KCNAB2: variants seen among roughly 807,000 people sequenced by gnomAD.
KCNAB2 encodes potassium voltage-gated channel subfamily A regulatory beta subunit 2, also known as voltage-gated potassium channel subunit beta-2.
In KCNAB2, 29 loss-of-function variants were observed where a neutral mutation model predicts 63.6. The ratio of observed to expected loss-of-function variants is 0.46; its 90% CI spans 0.34 to 0.62. The LOEUF is 0.62. KCNAB2 is among the 20% of genes least tolerant of loss of function. KCNAB2 has a pLI of 0.01. For missense variants in KCNAB2, 359 were observed against 563.9 expected (o/e 0.64, Z 3.68); for synonymous variants, 222 against 224.2 (o/e 0.99, Z 0.09).
At position 6,072,778 on chromosome 1, in the gene KCNAB2, G is replaced by T. The variant is rs1295637312; in HGVS notation, c.242G>T (p.Arg81Leu). ...KYRNLGKSGL[R>L]VSCLGLGTWV... ...AGGAACCTGGGCAAGTCTGGCCTGCGGGTCTCCTGCCTGGGACTTGGTGAG... is the reference window on the plus strand; with the variant it reads ...AGGAACCTGGGCAAGTCTGGCCTGCTGGTCTCCTGCCTGGGACTTGGTGAG... The change falls in exon 3 of 16, where the codon CGG (arginine) becomes CTG (leucine). Residue 81 changes from arginine (R) to leucine (L), a missense_variant. Physicochemically the swap from Arg to Leu is moderately radical, Grantham distance 102. This residue lies in a region of KCNAB2 where 271 missense variants were observed against 476.1 expected (regional missense o/e 0.57). Coordinates refer to ENST00000378083, the MANE Select transcript of KCNAB2 (RefSeq NM_001199862.2). 6.2e-7 allele frequency: 1 copy of T among 1,613,768 alleles called. No homozygotes were observed. The highest frequency in any genetic ancestry group is 8.5e-7 in the Non-Finnish European group (1 of 1,179,828).
Position 6,086,378 on chromosome 1 carries a change from G to A in KCNAB2, c.426-1089G>A. On this transcript the variant is annotated intron_variant, in intron 6 of 15. Transcript: ENST00000378083. This position sits in a 1 kb window ranked among gnomAD's most constrained non-coding sequence, Gnocchi z 4.2. Reference sequence around the variant, plus strand: ...AATTGCACGTATTAGCAAATCCCCTGATCACGTCTTTGGCGAATGTGCATG... The same window carrying A: ...AATTGCACGTATTAGCAAATCCCCTAATCACGTCTTTGGCGAATGTGCATG... 1 of 985,328 alleles carries A rather than the reference G, an allele frequency of 1.0e-6. No individual in the cohort carries two copies. Among genetic ancestry groups the A allele is most frequent in the Non-Finnish European group, 1.2e-6 (1 of 829,874 alleles). 61.0% of individuals were successfully genotyped at this position (985,328 alleles called of 1,614,324 possible).
chr1:6,061,242 A>T (rs1386038761), intron 2 of KCNAB2, among the ~76,000 whole-genome samples: 1 of 152,254 alleles, frequency 6.6e-6, no homozygotes, highest in African/African-American at 2.4e-5. Flanking sequence ...TACCGGAGAG[A>T]CAGAAAAAGA....
At chr1:6,085,927 C>T (rs1469907039) in intron 6 of KCNAB2, 6 of 985,346 alleles carry the variant, frequency 6.1e-6, no homozygotes, top group East Asian at 1.1e-4. Flanking sequence ...GACCGGGGAG[C>T]GGTCCCCGGG....
At chr1:6,079,073 G>A (rs1180250828) in intron 4 of KCNAB2, among the ~76,000 whole-genome samples, 1 of 152,200 alleles carries the variant, frequency 6.6e-6, no homozygotes, top group East Asian at 1.9e-4. Context: ...CCAGTGATGG[G>A]AGGATTAGTC....
At chr1:6,030,519 A>ATG (rs750056486), upstream of KCNAB2, among the ~76,000 whole-genome samples, 3 of 147,550 alleles carry the variant, frequency 2.0e-5, no homozygotes, top group Non-Finnish European at 4.5e-5. Context: ...TTATGTATGT[A>ATG]TGTGTGTATG....
chr1:6,030,159 C>T (rs1411210919), upstream of KCNAB2, among the ~76,000 whole-genome samples: 1 of 152,186 alleles, frequency 6.6e-6, no homozygotes, highest in Non-Finnish European at 1.5e-5. Flanking sequence ...TGGGGTTAAG[C>T]GCTAAGATGA....
Position 6,069,483 on chromosome 1 carries a change from C to T in KCNAB2, c.219-3272C>T, listed in dbSNP as rs1055717093. Among the ~76,000 whole-genome samples, 1 of 152,150 alleles carries T rather than the reference C, an allele frequency of 6.6e-6. No individual in the cohort carries two copies. Among genetic ancestry groups the T allele is most frequent in the African/African-American group, 2.4e-5 (1 of 41,442 alleles). ...GAGGTTATGTCTGTGAGTCCTCACT[C>T]CAGGAGTCCAGACCCCAGGAGAGAC... On this transcript the variant is annotated intron_variant, in intron 2 of 15. Coordinates refer to ENST00000378083, the MANE Select transcript of KCNAB2 (RefSeq NM_001199862.2). This position sits in a 1 kb window ranked among gnomAD's most constrained non-coding sequence, Gnocchi z 5.4.
upstream of KCNAB2, among the ~76,000 whole-genome samples, chr1:6,030,814 A>G (rs1286147523): frequency 2.7e-5 from 4 of 147,862 alleles, no homozygotes; most frequent in Admixed American, 6.7e-5. Context: ...GTGTGTGTGT[A>G]TATGTGTGTA....
At position 6,002,976 on chromosome 1, in the gene KCNAB2, G is replaced by A. The variant is rs1160306642; in HGVS notation, c.-53+10188G>A. On this transcript the variant is annotated intron_variant, in intron 1 of 16. Transcript: ENST00000341524. Reference sequence around the variant, plus strand: ...TTGTTCTTAGTCCTCAGCTCCTCCCGTCTCTGTGTCCCGGGTGAGAACAGG... The same window carrying A: ...TTGTTCTTAGTCCTCAGCTCCTCCCATCTCTGTGTCCCGGGTGAGAACAGG... Among the ~76,000 whole-genome samples, 18 of 151,904 alleles carry A rather than the reference G, an allele frequency of 1.2e-4. 1 individual carries two copies. The highest frequency in any genetic ancestry group is 1.1e-3 in the Admixed American group (16 of 15,222).
chr1:6,001,707 A>G (rs1657272870), intron 1 of KCNAB2, among the ~76,000 whole-genome samples: 1 of 152,104 alleles, frequency 6.6e-6, no homozygotes, highest in Non-Finnish European at 1.5e-5. Context: ...CCTGGTCTCT[A>G]ACGCAGCCCG....
intron 1 of KCNAB2, among the ~76,000 whole-genome samples, chr1:6,019,729 A>C (rs1018864675): frequency 6.6e-6 from 1 of 152,192 alleles, no homozygotes; most frequent in Non-Finnish European, 1.5e-5. Context: ...CACGTGCTGC[A>C]CAGTGTCGGC....
rs201355154 is a variant in KCNAB2 at position 6,089,057 on chromosome 1, G to A, written c.514+6G>A. 7.7e-6 allele frequency: 12 copies of A among 1,548,768 alleles called. No homozygotes were observed. The East Asian group carries it at 2.0e-4, about 25-fold the overall frequency. On this transcript the variant is annotated splice_donor_region_variant and intron_variant, in intron 8 of 15. Transcript: ENST00000378083. ...CAGGAAGCACATAATCGAAGGTGAG[G>A]ACGCGCTCGGGCACCTCAGGGCCCC...
At chr1:5,997,484 G>T (rs1441597164) in intron 1 of KCNAB2, among the ~76,000 whole-genome samples, 1 of 152,142 alleles carries the variant, frequency 6.6e-6, no homozygotes, top group Non-Finnish European at 1.5e-5. Context: ...CTGCACACCT[G>T]CCCACCTGTC....
At chr1:6,097,411 C>A in intron 15 of KCNAB2, 54 bp downstream of exon 15, 1 of 1,548,354 alleles carries the variant, frequency 6.5e-7, no homozygotes, top group Non-Finnish European at 8.7e-7. Flanking sequence ...CGAGCCCCGT[C>A]CAGTGCATCC....
intron 1 of KCNAB2, among the ~76,000 whole-genome samples, chr1:6,004,720 C>T (rs897094336): frequency 2.0e-5 from 3 of 152,118 alleles, no homozygotes; most frequent in Non-Finnish European, 4.4e-5. Flanking sequence ...ATTACATCTG[C>T]AAAAACCCTT....
chr1:6,073,856 A>G lies in KCNAB2; in HGVS notation c.300+86A>G, dbSNP rs1571031196. On this transcript the variant is annotated intron_variant, in intron 4 of 15. Transcript: ENST00000378083. This position sits in a 1 kb window ranked among gnomAD's most constrained non-coding sequence, Gnocchi z 5.7. Reference sequence around the variant, plus strand: ...AAGTCTGCCGCGTGGACCAGTGAGCACGTGCTCCCGGGAGCCAGCGCAGCA... The same window carrying G: ...AAGTCTGCCGCGTGGACCAGTGAGCGCGTGCTCCCGGGAGCCAGCGCAGCA... 7.2e-7 allele frequency: 1 copy of G among 1,395,130 alleles called. No homozygotes were observed. Among genetic ancestry groups the G allele is most frequent in the African/African-American group, 1.4e-5 (1 of 70,470 alleles). 86.4% of individuals were successfully genotyped at this position (1,395,130 alleles called of 1,614,324 possible).
chr1:6,014,334 A>G (rs2100291684), intron 1 of KCNAB2, among the ~76,000 whole-genome samples: 2 of 152,360 alleles, frequency 1.3e-5, no homozygotes, highest in Middle Eastern at 6.8e-3. Flanking sequence ...GGAGCAGGCC[A>G]GTTTCACGTG....
chr1:5,995,171 C>T (rs931693893), intron 1 of KCNAB2, among the ~76,000 whole-genome samples: 9 of 152,144 alleles, frequency 5.9e-5, no homozygotes, highest in Admixed American at 4.6e-4. Context: ...GGCGGCAATT[C>T]GAGAAGGATT....
chr1:6,031,677 A>G (rs1040524757), upstream of KCNAB2, among the ~76,000 whole-genome samples: 1 of 151,648 alleles, frequency 6.6e-6, no homozygotes, highest in Non-Finnish European at 1.5e-5. This position sits in a 1 kb window ranked among gnomAD's most constrained non-coding sequence, Gnocchi z 4.1. Context: ...GCTTGAGCCC[A>G]GGAGTTTGAG....
Sources: gnomAD v4.1 joint callset for allele counts (sites outside exome capture counted in the v4.1 genomes callset) on GRCh38, gnomAD v4.1.1 for gene constraint, gnomAD v4.1.1 regional missense constraint, Gnocchi (gnomAD v3.1) non-coding constraint, MANE v1.5 for transcripts, NCBI Gene and HGNC (gene_info 2026-07-23, HGNC 2026-07-21) for gene names.